TRAPPC9: variants seen among roughly 807,000 people sequenced by gnomAD.
The protein encoded by TRAPPC9 is IKK2 binding protein.
TRAPPC9 carries 83 observed loss-of-function variants against 124.0 expected under a neutral mutation model. The observed-to-expected ratio is 0.67, with a 90% CI of 0.56 to 0.80. TRAPPC9 has a LOEUF of 0.80. Ranked by LOEUF, TRAPPC9 falls within the 30% of genes least tolerant of loss-of-function variation. The probability of loss-of-function intolerance (pLI) is 0.00; values close to 1 mark genes in which losing one functional copy is unlikely to be tolerated. For synonymous variants in TRAPPC9, 638 were observed against 617.5 expected, an observed-to-expected ratio of 1.03 and a Z score of -0.49; for missense variants, 1,302 against 1,508.3, an observed-to-expected ratio of 0.86 and a Z score of 2.27.
At chr8:140,190,160 AC>A (rs138947134) in intron 17 of TRAPPC9, among the ~76,000 whole-genome samples, 1 of 152,152 alleles carries the variant, frequency 6.6e-6, no homozygotes, top group Non-Finnish European at 1.5e-5. Context: ...TATAATAACA[AC>A]CACCACTAAT....
At chr8:140,013,066 G>C (rs1307834689) in intron 18 of TRAPPC9, among the ~76,000 whole-genome samples, 8 of 152,196 alleles carry the variant, frequency 5.3e-5, no homozygotes, top group Non-Finnish European at 1.0e-4. Flanking sequence ...GCCACACAGA[G>C]GCAGGAAGAA....
intron 19 of TRAPPC9, among the ~76,000 whole-genome samples, chr8:139,947,888 A>ATG (rs1342529093): frequency 3.0e-5 from 2 of 65,958 alleles, no homozygotes; most frequent in African/African-American, 5.3e-5. Context: ...AAAAAGAAAT[A>ATG]TGTGTGTATA....
intron 21 of TRAPPC9, among the ~76,000 whole-genome samples, chr8:139,830,617 TAC>T (rs1337043747): frequency 6.6e-6 from 1 of 150,564 alleles, no homozygotes; most frequent in Non-Finnish European, 1.5e-5. Flanking sequence ...ACCACACGCA[TAC>T]ACACACATGC....
intron 21 of TRAPPC9, among the ~76,000 whole-genome samples, chr8:139,801,603 C>T (rs1216230707): frequency 6.6e-6 from 1 of 152,062 alleles, no homozygotes; most frequent in Non-Finnish European, 1.5e-5. Flanking sequence ...TGCTGGGATG[C>T]GAAAGTGGGG....
At chr8:140,311,135 G>A (rs905301037) in intron 10 of TRAPPC9, 113 bp downstream of exon 10, 13 of 1,322,244 alleles carry the variant, frequency 9.8e-6, no homozygotes, top group East Asian at 4.7e-5. Flanking sequence ...TAATGAACCC[G>A]ATACACAGCC....
At chr8:140,430,072 G>A (rs760555402) in intron 4 of TRAPPC9, among the ~76,000 whole-genome samples, 16 of 151,454 alleles carry the variant, frequency 1.1e-4, no homozygotes, top group African/African-American at 2.4e-4. Context: ...ACTCGAACCC[G>A]GGACGCAGAG....
chr8:140,416,167 G>A (rs971362763), intron 5 of TRAPPC9, among the ~76,000 whole-genome samples: 1 of 152,064 alleles, frequency 6.6e-6, no homozygotes, highest in Non-Finnish European at 1.5e-5. Flanking sequence ...TAAGAAGAGA[G>A]AAGAATCAAG....
intron 17 of TRAPPC9, among the ~76,000 whole-genome samples, chr8:140,090,393 C>T (rs1222643320): frequency 6.6e-6 from 1 of 152,202 alleles, no homozygotes; most frequent in South Asian, 2.1e-4. Flanking sequence ...GAGAACTCAG[C>T]TCTTACGATG....
rs773550560 is a variant in TRAPPC9 at position 139,845,911 on chromosome 8, G to A, written c.3055+39968C>T. Reference sequence around the variant, plus strand: ...GGTTTCCAGGCTGGCAGATGAGACCGGAAAGCCAGCCCATGGGTCAGAGCG... The same window carrying A: ...GGTTTCCAGGCTGGCAGATGAGACCAGAAAGCCAGCCCATGGGTCAGAGCG... On this transcript the variant is annotated intron_variant, in intron 21 of 22. Transcript: ENST00000438773. Among the ~76,000 whole-genome samples the A allele has an allele frequency of 8.5e-5, 13 of 152,212 alleles. 1 individual carries two copies. Among genetic ancestry groups the A allele is most frequent in the East Asian group, 1.9e-4 (1 of 5,184 alleles).
At chr8:139,932,063 T>C in intron 19 of TRAPPC9, 2 of 334,990 alleles carry the variant, frequency 6.0e-6, no homozygotes, top group South Asian at 2.4e-5. Flanking sequence ...CTAAGAGCAA[T>C]AATACAATTC....
At chr8:140,379,014 AT>A (rs2068526322) in intron 7 of TRAPPC9, among the ~76,000 whole-genome samples, 1 of 152,106 alleles carries the variant, frequency 6.6e-6, no homozygotes. Context: ...TTGGACCACT[AT>A]ATTGTCAAAA....
intron 16 of TRAPPC9, among the ~76,000 whole-genome samples, chr8:140,251,732 G>C (rs550229681): frequency 3.7e-4 from 57 of 152,298 alleles, no homozygotes; most frequent in African/African-American, 1.3e-3. Context: ...CCCTCTATGA[G>C]ATGAGTGCCC....
At chr8:140,211,001 T>A (rs1034310036) in intron 17 of TRAPPC9, among the ~76,000 whole-genome samples, 3 of 152,018 alleles carry the variant, frequency 2.0e-5, no homozygotes. Flanking sequence ...CTATTTGTTG[T>A]ATATCCTAGG....
intron 17 of TRAPPC9, among the ~76,000 whole-genome samples, chr8:140,092,202 C>CTTTT (rs59459486): frequency 7.5e-6 from 1 of 134,072 alleles, no homozygotes; most frequent in Non-Finnish European, 1.6e-5. Flanking sequence ...TTTAATTTTT[C>CTTTT]TTTTTTTTTT....
intron 17 of TRAPPC9, among the ~76,000 whole-genome samples, chr8:140,103,667 C>T (rs567808565): frequency 7.2e-5 from 11 of 152,288 alleles, no homozygotes; most frequent in African/African-American, 2.6e-4. Flanking sequence ...ATAGTTGATA[C>T]CATATTACTA....
At chr8:140,402,115 G>C (rs537549949) in intron 6 of TRAPPC9, among the ~76,000 whole-genome samples, 1 of 151,946 alleles carries the variant, frequency 6.6e-6, no homozygotes, top group African/African-American at 2.4e-5. Flanking sequence ...GCCTGTAATC[G>C]CAGCGTCTCA....
At chr8:140,397,840 C>G in intron 6 of TRAPPC9, 95 bp from the exon 7 acceptor site, 1 of 1,516,960 alleles carries the variant, frequency 6.6e-7, no homozygotes, top group East Asian at 2.3e-5. Context: ...ATAACTACAA[C>G]AGCACTTCCC....
At chr8:139,786,875 C>T (rs570874428) in intron 21 of TRAPPC9, among the ~76,000 whole-genome samples, 22 of 152,114 alleles carry the variant, frequency 1.4e-4, no homozygotes, top group African/African-American at 5.1e-4. Flanking sequence ...GGTCAGTGAT[C>T]GGAGGGGAAG....
intron 17 of TRAPPC9, among the ~76,000 whole-genome samples, chr8:140,179,269 G>A (rs922685749): frequency 9.9e-5 from 15 of 152,056 alleles, no homozygotes; most frequent in East Asian, 5.8e-4. Context: ...ATGAAATGCC[G>A]TGTTTTTATT....
Sources: allele counts gnomAD v4.1 joint callset (sites outside exome capture counted in the v4.1 genomes callset), GRCh38; gene constraint gnomAD v4.1.1; transcripts MANE v1.5; gene names NCBI Gene and HGNC (gene_info 2026-07-23, HGNC 2026-07-21).